ZEB1: variants seen among roughly 807,000 people sequenced by gnomAD.
The protein encoded by ZEB1 is zinc finger E-box-binding homeobox 1.
Under a neutral mutation model 84.9 loss-of-function variants are expected in ZEB1, and 21 were observed. That is an observed-to-expected ratio of 0.25 (90% CI 0.18 to 0.36). The LOEUF is 0.36. Among genes scored for constraint, ZEB1 ranks in the 10% least tolerant of loss-of-function variants. ZEB1 has a pLI of 1.00. For missense variants in ZEB1, 1,104 were observed against 1,330.2 expected (o/e 0.83, Z 2.65); for synonymous variants, 420 against 471.1 (o/e 0.89, Z 1.41).
chr10:31,415,220 G>T (rs989569140), intron 1 of ZEB1, among the ~76,000 whole-genome samples: 2 of 152,084 alleles, frequency 1.3e-5, no homozygotes, highest in African/African-American at 2.4e-5. Flanking sequence ...GAGAGAACAG[G>T]ATTTCTGTGC....
intron 1 of ZEB1, among the ~76,000 whole-genome samples, chr10:31,361,808 G>C (rs904002573): frequency 6.7e-6 from 1 of 149,722 alleles, no homozygotes; most frequent in African/African-American, 2.5e-5. Context: ...GACGGCAGCA[G>C]GGCAGAGGCG....
chr10:31,484,786 CTTAGA>C (rs1056831171), intron 2 of ZEB1, among the ~76,000 whole-genome samples: 37 of 151,838 alleles, frequency 2.4e-4, no homozygotes, highest in African/African-American at 7.7e-4. Context: ...ATGTTATTTC[CTTAGA>C]TTATTTTACT....
intron 1 of ZEB1, chr10:31,363,449 A>T (rs2043760928): frequency 6.5e-7 from 1 of 1,534,062 alleles, no homozygotes; most frequent in South Asian, 1.2e-5. Context: ...GGATTGTACC[A>T]GGAAGAAGTG....
chr10:31,444,465 G>T (rs1412816767), intron 1 of ZEB1, among the ~76,000 whole-genome samples: 1 of 152,002 alleles, frequency 6.6e-6, no homozygotes, highest in African/African-American at 2.4e-5. Context: ...TGCTTTTGGT[G>T]TTTTAGACAT....
chr10:31,323,963 T>TTGTGTG (rs1564458960), intron 1 of ZEB1, among the ~76,000 whole-genome samples: 1 of 111,738 alleles, frequency 8.9e-6, no homozygotes, highest in African/African-American at 3.3e-5. Flanking sequence ...TCATGGTTCT[T>TTGTGTG]CGTGTGTGTG....
chr10:31,455,974 A>G (rs1487773372), intron 1 of ZEB1, among the ~76,000 whole-genome samples: 1 of 152,236 alleles, frequency 6.6e-6, no homozygotes, highest in Non-Finnish European at 1.5e-5. Flanking sequence ...TTATTGCAGC[A>G]CTATTTACAA....
chr10:31,473,874 G>A (rs1158237291), intron 2 of ZEB1, among the ~76,000 whole-genome samples: 1 of 150,762 alleles, frequency 6.6e-6, no homozygotes, highest in Non-Finnish European at 1.5e-5. Flanking sequence ...ATAGATCAAT[G>A]GAACTGAACA....
chr10:31,427,895 A>T (rs1006572984), intron 1 of ZEB1, among the ~76,000 whole-genome samples: 1 of 150,324 alleles, frequency 6.7e-6, no homozygotes, highest in Non-Finnish European at 1.5e-5. Context: ...CTAATGGTTG[A>T]TTGTATTTCT....
chr10:31,384,280 C>T (rs560345632), intron 1 of ZEB1, among the ~76,000 whole-genome samples: 1 of 152,172 alleles, frequency 6.6e-6, no homozygotes, highest in South Asian at 2.1e-4. Flanking sequence ...ATGACCTACA[C>T]CAGTGCTCCT....
chr10:31,477,203 T>C (rs1056029181), intron 2 of ZEB1, among the ~76,000 whole-genome samples: 1 of 152,016 alleles, frequency 6.6e-6, no homozygotes, highest in African/African-American at 2.4e-5. Flanking sequence ...AGTAAAGTTT[T>C]AGGATATAGA....
At chr10:31,318,437 C>G (rs2032798502), upstream of ZEB1, 1 of 152,452 alleles carries the variant, frequency 6.6e-6, no homozygotes, top group African/African-American at 2.4e-5. Flanking sequence ...ACTAAGGAGG[C>G]TGCTGGCAAG....
chr10:31,434,571 TAACATA>T (rs768392355), intron 1 of ZEB1, among the ~76,000 whole-genome samples: 66 of 152,196 alleles, frequency 4.3e-4, no homozygotes, highest in Non-Finnish European at 7.8e-4. Context: ...ACCAAATCAT[TAACATA>T]AACTTTTTGA....
intron 1 of ZEB1, among the ~76,000 whole-genome samples, chr10:31,381,253 A>T (rs74127721): frequency 6.6e-6 from 1 of 152,192 alleles, no homozygotes; most frequent in African/African-American, 2.4e-5. Context: ...ATCTACAGCA[A>T]TCAGCTCTAA....
intron 2 of ZEB1, among the ~76,000 whole-genome samples, chr10:31,473,974 TAATA>T (rs1357082079): frequency 1.3e-5 from 2 of 152,154 alleles, no homozygotes; most frequent in Non-Finnish European, 2.9e-5. Context: ...ATTCCCTATT[TAATA>T]AATGGTTCTG....
rs560108230 is a variant in ZEB1 at position 31,528,385 on chromosome 10, GCTTTATC to G, written c.*1123_*1129del. ...AAACGAAAGGGAAATTTTCTAATCT[GCTTTATC>G]CATGTACTTGCATTTCAGACATGGA... On this transcript the variant is annotated 3_prime_UTR_variant, in exon 9 of 9. Coordinates refer to ENST00000424869, the MANE Select transcript of ZEB1 (RefSeq NM_001174096.2). 48 of 152,238 alleles carry G rather than the reference GCTTTATC, an allele frequency of 3.2e-4. No individual in the cohort carries two copies. The highest frequency in any genetic ancestry group is 1.1e-3 in the African/African-American group (44 of 41,558). The allele number at this position is 152,238 out of a possible 1,614,324, so 9.4% of individuals were successfully genotyped here.
At chr10:31,407,687 T>G (rs1169867668) in intron 1 of ZEB1, among the ~76,000 whole-genome samples, 3 of 152,162 alleles carry the variant, frequency 2.0e-5, no homozygotes, top group Non-Finnish European at 4.4e-5. Flanking sequence ...TTGACAAAAT[T>G]CAACAACACT....
chr10:31,527,081 A>AGAG lies in ZEB1; in HGVS notation c.3210_3212dup (p.Glu1072dup), dbSNP rs369270839. ...GTGAAAAACCACAAGGGGATGAGGA[A>AGAG]GAGGAGGAGGAGGAGGAAGAAGTGG... is the stretch of plus-strand genomic sequence containing the variant. On this transcript the variant is annotated inframe_insertion, in exon 9 of 9. Transcript: ENST00000424869. 9.7e-5 allele frequency: 154 copies of AGAG among 1,583,770 alleles called. 2 individuals are homozygous for AGAG. The highest frequency in any genetic ancestry group is 3.7e-4 in the East Asian group (16 of 43,314).
chr10:31,479,041 AT>A (rs2064689271), intron 2 of ZEB1, among the ~76,000 whole-genome samples: 1 of 151,812 alleles, frequency 6.6e-6, no homozygotes, highest in Non-Finnish European at 1.5e-5. Context: ...AAAAAAAGAA[AT>A]TTATAAGGAA....
Position 31,521,072 on chromosome 10 carries a change from T to C in ZEB1, c.1740T>C (p.Asp580=), listed in dbSNP as rs2072224815. Residue 580 remains aspartate (D), a synonymous_variant, in exon 7 of 9, where the codon GAT becomes GAC. Transcript: ENST00000424869. Reference sequence around the variant, plus strand: ...CCTCTGTTTCATCAGCTACTGGAGATGGCAATTTGTCTCCTAGTCAGCCAC... The same window carrying C: ...CCTCTGTTTCATCAGCTACTGGAGACGGCAATTTGTCTCCTAGTCAGCCAC... The part of the protein sequence containing the change: ...PESSVSSATG[D]GNLSPSQPPL... The C allele has an allele frequency of 1.2e-6, 2 of 1,614,006 alleles. No individual in the cohort carries two copies. The highest frequency in any genetic ancestry group is 2.7e-5 in the African/African-American group (2 of 74,924).
Sources: gnomAD v4.1 joint callset for allele counts (sites outside exome capture counted in the v4.1 genomes callset) on GRCh38, gnomAD v4.1.1 for gene constraint, MANE v1.5 for transcripts, NCBI Gene and HGNC (gene_info 2026-07-23, HGNC 2026-07-21) for gene names.